Variants in ZFHX3 observed in about 807,000 individuals in gnomAD.
The protein encoded by ZFHX3 is zinc finger homeobox protein 3.
ZFHX3 carries 42 observed loss-of-function variants against 279.1 expected under a neutral mutation model. That is an observed-to-expected ratio of 0.15 (90% CI 0.12 to 0.19). The LOEUF (loss-of-function observed/expected upper bound fraction) is 0.19. ZFHX3 is among the 10% of genes least tolerant of loss of function. ZFHX3 has a pLI of 1.00. For synonymous variants in ZFHX3, 2,293 were observed against 1,957.8 expected (o/e 1.17, Z -4.52); for missense variants, 4,981 against 4,754.0 (o/e 1.05, Z -1.40).
chr16:72,957,131 G>A (rs756951457), intron 2 of ZFHX3, among the ~76,000 whole-genome samples: 1 of 152,148 alleles, frequency 6.6e-6, no homozygotes, highest in Non-Finnish European at 1.5e-5. Flanking sequence ...ATTGAAAGAA[G>A]AGACAGAGAA....
At chr16:73,102,538 T>C (rs909493233) in intron 7 of ZFHX3, among the ~76,000 whole-genome samples, 2 of 152,232 alleles carry the variant, frequency 1.3e-5, no homozygotes, top group East Asian at 3.9e-4. Flanking sequence ...TGCTGACATG[T>C]AGCGATGTGT....
chr16:73,591,536 CA>C (rs1255159620), intron 2 of ZFHX3, among the ~76,000 whole-genome samples: 5 of 150,266 alleles, frequency 3.3e-5, no homozygotes, highest in Middle Eastern at 3.4e-3. Context: ...ACTAAAAATA[CA>C]AAAAAATTAG....
At chr16:72,929,210 C>G (rs1381455273) in intron 3 of ZFHX3, among the ~76,000 whole-genome samples, 4 of 150,760 alleles carry the variant, frequency 2.7e-5, no homozygotes, top group African/African-American at 9.8e-5. Flanking sequence ...TGCACTCCAG[C>G]CTGGGCGACA....
chr16:73,339,792 A>G (rs11150412), intron 3 of ZFHX3, among the ~76,000 whole-genome samples: 1 of 152,156 alleles, frequency 6.6e-6, no homozygotes, highest in Non-Finnish European at 1.5e-5. Flanking sequence ...CAAATAAAGC[A>G]TTTCTTTGGG....
At chr16:72,813,499 C>T (rs1412215377) in intron 5 of ZFHX3, among the ~76,000 whole-genome samples, 1 of 152,116 alleles carries the variant, frequency 6.6e-6, no homozygotes. Context: ...GAAATATATT[C>T]CAGGAAGTTG....
At chr16:73,586,261 T>C (rs938339255) in intron 2 of ZFHX3, among the ~76,000 whole-genome samples, 1 of 150,288 alleles carries the variant, frequency 6.7e-6, no homozygotes, top group African/African-American at 2.5e-5. Flanking sequence ...TGGTGGCACA[T>C]GCCTGTAATC....
At chr16:73,499,086 C>G (rs1297611768) in intron 2 of ZFHX3, among the ~76,000 whole-genome samples, 4 of 152,192 alleles carry the variant, frequency 2.6e-5, no homozygotes, top group African/African-American at 9.7e-5. Flanking sequence ...TCTCATTTAG[C>G]ATCCCAGGTA....
intron 5 of ZFHX3, among the ~76,000 whole-genome samples, chr16:73,154,727 A>G (rs1344594622): frequency 6.6e-6 from 1 of 152,190 alleles, no homozygotes; most frequent in African/African-American, 2.4e-5. Flanking sequence ...ACATTACATC[A>G]GATGCAAAAT....
intron 3 of ZFHX3, among the ~76,000 whole-genome samples, chr16:73,350,603 G>A (rs1199621818): frequency 4.6e-5 from 7 of 152,220 alleles, no homozygotes; most frequent in African/African-American, 1.7e-4. Flanking sequence ...ACTCAACTGA[G>A]AGAGTTGGCC....
At chr16:73,619,607 T>G (rs950077321) in intron 2 of ZFHX3, among the ~76,000 whole-genome samples, 1 of 151,954 alleles carries the variant, frequency 6.6e-6, no homozygotes, top group Non-Finnish European at 1.5e-5. Context: ...ATGATGGACA[T>G]CCTGCAAAGT....
intron 2 of ZFHX3, among the ~76,000 whole-genome samples, chr16:73,662,500 T>G (rs549585264): frequency 6.6e-6 from 1 of 152,146 alleles, no homozygotes; most frequent in East Asian, 1.9e-4. Context: ...CCCCCTAGGA[T>G]GATGTGGGAA....
rs140441809 is a variant in ZFHX3 at position 73,137,904 on chromosome 16, G to A, written c.-1024+5848C>T. Among the ~76,000 whole-genome samples the A allele has an allele frequency of 2.7e-3, 408 of 152,166 alleles. 10 individuals carry two copies. The highest frequency in any genetic ancestry group is 0.024 in the Admixed American group (367 of 15,270). On this transcript the variant is annotated intron_variant, in intron 6 of 17. Coordinates refer to the ZFHX3 transcript ENST00000641206. The stretch of plus-strand genomic sequence containing the variant: ...TTTGCTAGATTTGGGGTATTGGGGG[G>A]TGGGGGAATATCCAGTTCTTTAGTT...
chr16:72,910,532 T>A (rs936319935), intron 3 of ZFHX3, among the ~76,000 whole-genome samples: 14 of 152,154 alleles, frequency 9.2e-5, no homozygotes, highest in African/African-American at 3.4e-4. Context: ...TTCAAAGGGT[T>A]TGGCCATTAC....
intron 5 of ZFHX3, among the ~76,000 whole-genome samples, chr16:73,217,381 C>A (rs1427717873): frequency 6.6e-6 from 1 of 152,166 alleles, no homozygotes; most frequent in Admixed American, 6.5e-5. Context: ...AGGCAACATG[C>A]AACCCACCAA....
At chr16:73,297,071 G>C (rs555912726) in intron 4 of ZFHX3, among the ~76,000 whole-genome samples, 1 of 151,574 alleles carries the variant, frequency 6.6e-6, no homozygotes, top group African/African-American at 2.4e-5. Context: ...TAGAGACAGG[G>C]TTTCACCGTG....
chr16:72,979,726 T>A (rs1962503126), intron 1 of ZFHX3, among the ~76,000 whole-genome samples: 1 of 151,978 alleles, frequency 6.6e-6, no homozygotes. Flanking sequence ...CAATACAACA[T>A]CATAGCATAA....
chr16:73,389,813 G>A (rs1417745807), intron 3 of ZFHX3, among the ~76,000 whole-genome samples: 12 of 152,194 alleles, frequency 7.9e-5, no homozygotes, highest in Non-Finnish European at 1.5e-4. Flanking sequence ...TAATCCCAAC[G>A]CTTTGGGAGG....
intron 2 of ZFHX3, chr16:73,486,923 T>C: frequency 2.2e-6 from 1 of 451,958 alleles, no homozygotes; most frequent in South Asian, 1.6e-5. Flanking sequence ...TTCTTTCCAC[T>C]GTAAGGCCAA....
In ZFHX3 at chr16:73,706,623, T is replaced by A. The variant is rs146110420; in HGVS notation, c.-1607-26383A>T. The stretch of plus-strand genomic sequence containing the variant: ...CTCTCATCACAGCCCTTCCCACCTA[T>A]TCGCCTTCATGCCCCAGAAGATCTG... On this transcript the variant is annotated intron_variant, in intron 1 of 17. Transcript: ENST00000641206. Among the ~76,000 whole-genome samples, 165 of 152,268 alleles carry A rather than the reference T, an allele frequency of 1.1e-3. 2 individuals are homozygous for A. The highest frequency in any genetic ancestry group is 3.4e-3 in the Middle Eastern group (1 of 294).
Sources: allele counts gnomAD v4.1 joint callset (sites outside exome capture counted in the v4.1 genomes callset), GRCh38; gene constraint gnomAD v4.1.1; transcripts MANE v1.5; gene names NCBI Gene and HGNC (gene_info 2026-07-23, HGNC 2026-07-21).